PLD1: variants seen among roughly 807,000 people sequenced by gnomAD.
PLD1 encodes the protein choline phosphatase 1.
In PLD1, 112 loss-of-function variants were observed where a neutral mutation model predicts 137.1. That is an observed-to-expected ratio of 0.82 (90% CI 0.70 to 0.96). The LOEUF is 0.96. Ranked by LOEUF, PLD1 falls within the 40% of genes least tolerant of loss-of-function variation. The pLI, the probability that PLD1 is intolerant of heterozygous loss-of-function variation, is 0.00. For synonymous variants in PLD1, 431 were observed against 454.7 expected, an observed-to-expected ratio of 0.95 and a Z score of 0.66; for missense variants, 1,321 against 1,342.0, an observed-to-expected ratio of 0.98 and a Z score of 0.24.
intron 11 of PLD1, among the ~76,000 whole-genome samples, chr3:171,705,407 T>A (rs1716600428): frequency 6.6e-6 from 1 of 151,968 alleles, no homozygotes; most frequent in Non-Finnish European, 1.5e-5. Flanking sequence ...AAATAACACA[T>A]TACTTAGAGG....
chr3:171,695,063 A>C (rs1221116295), intron 12 of PLD1, among the ~76,000 whole-genome samples: 1 of 152,196 alleles, frequency 6.6e-6, no homozygotes, highest in Non-Finnish European at 1.5e-5. Context: ...TAATAAAGCA[A>C]TGCATTCTTC....
chr3:171,714,780 C>T (rs1007920652), intron 8 of PLD1, among the ~76,000 whole-genome samples: 2 of 151,924 alleles, frequency 1.3e-5, no homozygotes, highest in African/African-American at 2.4e-5. Flanking sequence ...AAGTTATCTC[C>T]TTCCTAATAA....
intron 10 of PLD1, 109 bp from the exon 11 acceptor site, chr3:171,708,947 C>T (rs1716923230): frequency 1.5e-6 from 1 of 652,502 alleles, no homozygotes; most frequent in Non-Finnish European, 2.7e-6. Flanking sequence ...CTCCACATAA[C>T]ACATAACCAC....
intron 1 of PLD1, chr3:171,789,044 T>C (rs1723122659): frequency 6.6e-6 from 1 of 152,252 alleles, no homozygotes; most frequent in African/African-American, 2.4e-5. Flanking sequence ...GCAGTCTACA[T>C]GGCCCAGCCA....
Position 171,687,580 on chromosome 3 carries a change from G to T in PLD1, c.1544C>A (p.Ala515Asp). 1 of 1,608,348 alleles carries T rather than the reference G, an allele frequency of 6.2e-7. No individual in the cohort carries two copies. The highest frequency in any genetic ancestry group is 8.5e-7 in the Non-Finnish European group (1 of 1,177,894). ...TAAGGATTCCATAGACTCCATTGCG[G>T]CAGGCTGAGAAAAATTTTTTTTTAA... ...SGPSLGSLPP[A>D]AMESMESLRL... The change falls in exon 15 of 27, where the codon GCC becomes GAC. Residue 515 changes from alanine (A) to aspartate (D), a missense_variant. By Grantham distance (126) the Ala-to-Asp change is moderately radical. Coordinates refer to ENST00000351298, the MANE Select transcript of PLD1 (RefSeq NM_002662.5).
intron 1 of PLD1, among the ~76,000 whole-genome samples, chr3:171,752,975 G>T (rs1464868258): frequency 1.3e-5 from 2 of 152,204 alleles, no homozygotes; most frequent in African/African-American, 4.8e-5. Flanking sequence ...AGGCTCAGAA[G>T]CATACAGACA....
intron 1 of PLD1, among the ~76,000 whole-genome samples, chr3:171,749,537 A>G (rs1484661498): frequency 6.6e-6 from 1 of 152,234 alleles, no homozygotes; most frequent in Non-Finnish European, 1.5e-5. Flanking sequence ...TAGTGCTTTT[A>G]TTAGATTTAC....
At chr3:171,717,693 C>T (rs1188115952) in intron 8 of PLD1, among the ~76,000 whole-genome samples, 2 of 152,166 alleles carry the variant, frequency 1.3e-5, no homozygotes, top group Non-Finnish European at 2.9e-5. Context: ...TTGACTTCCT[C>T]TTTTGCTATT....
chr3:171,643,144 G>T, intron 22 of PLD1: 2 of 347,652 alleles, frequency 5.8e-6, no homozygotes, highest in Non-Finnish European at 1.0e-5. Flanking sequence ...CAGAAAGAGA[G>T]GCTATTAAAA....
At chr3:171,745,754 T>A (rs2108279294) in intron 1 of PLD1, among the ~76,000 whole-genome samples, 1 of 152,322 alleles carries the variant, frequency 6.6e-6, no homozygotes, top group East Asian at 1.9e-4. Context: ...CACTCGCTCT[T>A]GGCACCTCCT....
At chr3:171,610,285 T>C (rs1230364853) in intron 25 of PLD1, among the ~76,000 whole-genome samples, 1 of 152,196 alleles carries the variant, frequency 6.6e-6, no homozygotes, top group Non-Finnish European at 1.5e-5. Context: ...ATTAACATAT[T>C]GTAGAAGAAT....
intron 1 of PLD1, among the ~76,000 whole-genome samples, chr3:171,766,111 T>G (rs1297850939): frequency 6.6e-6 from 1 of 152,170 alleles, no homozygotes; most frequent in Non-Finnish European, 1.5e-5. Flanking sequence ...TCACTTCTAA[T>G]CAATTTTAAT....
chr3:171,710,722 A>G (rs566586132), intron 9 of PLD1, among the ~76,000 whole-genome samples: 86 of 152,220 alleles, frequency 5.6e-4, no homozygotes, highest in African/African-American at 2.0e-3. Context: ...AGCTTCTGGA[A>G]ATATCATCCC....
intron 1 of PLD1, among the ~76,000 whole-genome samples, chr3:171,778,836 G>T (rs1328806819): frequency 6.6e-6 from 1 of 152,188 alleles, no homozygotes; most frequent in African/African-American, 2.4e-5. Context: ...GCCCTGAAAG[G>T]TTTTAATCAA....
intron 19 of PLD1, among the ~76,000 whole-genome samples, chr3:171,671,125 A>G (rs1255605898): frequency 1.3e-5 from 2 of 152,216 alleles, no homozygotes; most frequent in Non-Finnish European, 2.9e-5. Flanking sequence ...TCTTCATACC[A>G]CACCACCTTG....
rs747125423 is a variant in PLD1 at position 171,692,339 on chromosome 3, T to C, written c.1331A>G (p.Asn444Ser). The change falls in exon 13 of 27, where the codon AAC becomes AGC. Residue 444 changes from asparagine to serine, a missense_variant. Asn to Ser is a conservative substitution (Grantham distance 46). Transcript: ENST00000351298. ...TKRTLMRLHP[N>S]IKVMRHPDHV... ...CAAGATGAACCTGAATACCTTTATG[T>C]TGGGATGTAGACGCATCAAAGTCCT... 6 of 1,433,458 alleles carry C rather than the reference T, an allele frequency of 4.2e-6. No individual in the cohort carries two copies. Among genetic ancestry groups the C allele is most frequent in the Non-Finnish European group, 5.9e-6 (6 of 1,016,602 alleles). The allele number at this position is 1,433,458 out of a possible 1,614,324, so 88.8% of individuals were successfully genotyped here.
At chr3:171,758,380 A>G (rs969479692) in intron 1 of PLD1, among the ~76,000 whole-genome samples, 1 of 152,176 alleles carries the variant, frequency 6.6e-6, no homozygotes, top group Non-Finnish European at 1.5e-5. Context: ...AATCATAGTG[A>G]TCAATGAACA....
intron 12 of PLD1, among the ~76,000 whole-genome samples, chr3:171,698,955 A>C (rs544802931): frequency 1.5e-4 from 22 of 150,846 alleles, no homozygotes; most frequent in Admixed American, 1.3e-3. Flanking sequence ...CAGCCTGGGC[A>C]ACAAGAACAA....
intron 1 of PLD1, among the ~76,000 whole-genome samples, chr3:171,797,630 TAA>T (rs146816959): frequency 4.7e-5 from 7 of 149,984 alleles, no homozygotes; most frequent in African/African-American, 1.7e-4. Flanking sequence ...AGGTTGTCTT[TAA>T]AAAAAAAATA....
Sources: gnomAD v4.1 joint callset for allele counts (sites outside exome capture counted in the v4.1 genomes callset) on GRCh38, gnomAD v4.1.1 for gene constraint, MANE v1.5 for transcripts, NCBI Gene and HGNC (gene_info 2026-07-23, HGNC 2026-07-21) for gene names.